Variants in XRN2 observed in about 807,000 individuals in gnomAD.
The protein encoded by XRN2 is 5'-3' exoribonuclease 2.
A neutral mutation model predicts 138.5 loss-of-function variants in XRN2; 44 were observed. That is an observed-to-expected ratio of 0.32 (90% CI 0.25 to 0.41). The LOEUF (loss-of-function observed/expected upper bound fraction) is 0.41, where lower values mean the gene tolerates loss of function less well. XRN2 is among the 10% of genes least tolerant of loss of function. XRN2 has a pLI of 1.00. For synonymous variants in XRN2, 354 were observed against 369.4 expected (o/e 0.96, Z 0.48); for missense variants, 937 against 1,169.3 (o/e 0.80, Z 2.90).
intron 1 of XRN2, chr20:21,303,720 G>T: frequency 8.0e-7 from 1 of 1,244,020 alleles, no homozygotes; most frequent in East Asian, 3.6e-5. Flanking sequence ...TCGCAGGAGG[G>T]TCGCTCCTCC....
intron 13 of XRN2, among the ~76,000 whole-genome samples, chr20:21,334,933 A>G (rs1223502152): frequency 6.6e-6 from 1 of 152,150 alleles, no homozygotes. Flanking sequence ...AGTCTTTTGA[A>G]GAGATTTGAG....
At chr20:21,338,521 TAG>T (rs2038330081) in intron 13 of XRN2, among the ~76,000 whole-genome samples, 1 of 152,142 alleles carries the variant, frequency 6.6e-6, no homozygotes, top group South Asian at 2.1e-4. Context: ...AATGTTTGCG[TAG>T]AGTCCCACTT....
At chr20:21,386,573 C>G (rs2038938609) in intron 28 of XRN2, among the ~76,000 whole-genome samples, 1 of 152,174 alleles carries the variant, frequency 6.6e-6, no homozygotes, top group African/African-American at 2.4e-5. Flanking sequence ...GGGTCTACAT[C>G]TTTAAGTGAC....
chr20:21,377,827 C>T (rs1346545589), intron 27 of XRN2, among the ~76,000 whole-genome samples: 1 of 152,168 alleles, frequency 6.6e-6, no homozygotes, highest in Non-Finnish European at 1.5e-5. Context: ...TCTGTTGCTT[C>T]CTCTGGCTAT....
intron 1 of XRN2, among the ~76,000 whole-genome samples, chr20:21,323,431 G>C (rs1482036093): frequency 6.6e-6 from 1 of 152,212 alleles, no homozygotes; most frequent in Non-Finnish European, 1.5e-5. Flanking sequence ...TTAGGGTTCA[G>C]AGTGGCTCTC....
chr20:21,324,672 C>A (rs1391660794), intron 1 of XRN2, among the ~76,000 whole-genome samples: 1 of 152,116 alleles, frequency 6.6e-6, no homozygotes, highest in African/African-American at 2.4e-5. Context: ...CTTACTCTGT[C>A]GCCCAGGCTG....
At chr20:21,339,114 T>C (rs1355173769) in intron 14 of XRN2, 26 bp downstream of exon 14, 3 of 1,590,200 alleles carry the variant, frequency 1.9e-6, no homozygotes, top group Non-Finnish European at 2.6e-6. Context: ...TTTCATGAGA[T>C]TGGCAATAGC....
At chr20:21,370,212 T>A (rs2038746139) in intron 27 of XRN2, among the ~76,000 whole-genome samples, 1 of 152,238 alleles carries the variant, frequency 6.6e-6, no homozygotes, top group African/African-American at 2.4e-5. Context: ...TCCATTGGTC[T>A]GTTATCTGTT....
intron 20 of XRN2, among the ~76,000 whole-genome samples, chr20:21,353,030 G>A (rs6075794): frequency 0.68 from 103,013 of 151,000 alleles, 35,746 homozygotes; most frequent in South Asian, 0.84. Context: ...ATTGCTTAGT[G>A]ATTTTCTTGC....
At position 21,311,721 on chromosome 20, in the gene XRN2, C is replaced by T. The variant is rs138134272; in HGVS notation, c.75+8248C>T. On this transcript the variant is annotated intron_variant, in intron 1 of 29. Transcript: ENST00000377191. Reference sequence around the variant, plus strand: ...GATTATTGATGGCCAGGCATGTTGGCTCACGCCTGCAATCCCAGCACTTTG... The same window carrying T: ...GATTATTGATGGCCAGGCATGTTGGTTCACGCCTGCAATCCCAGCACTTTG... Among the ~76,000 whole-genome samples, 1,156 of 152,272 alleles carry T rather than the reference C, an allele frequency of 7.6e-3. 17 individuals are homozygous for T. Among genetic ancestry groups the T allele is most frequent in the African/African-American group, 0.026 (1,100 of 41,542 alleles).
intron 1 of XRN2, among the ~76,000 whole-genome samples, chr20:21,313,253 CTG>C (rs1298621172): frequency 2.6e-5 from 4 of 152,320 alleles, no homozygotes; most frequent in African/African-American, 9.6e-5. Context: ...CTACGCTACA[CTG>C]TGCTGCTCCC....
rs774788693 is a variant in XRN2 at position 21,365,558 on chromosome 20, T to G, written c.2325-15T>G. 6.2e-7 allele frequency: 1 copy of G among 1,613,514 alleles called. No homozygotes were observed. The highest frequency in any genetic ancestry group is 1.7e-5 in the Admixed American group (1 of 59,906). On this transcript the variant is annotated splice_polypyrimidine_tract_variant and intron_variant, in intron 25 of 29. Coordinates refer to ENST00000377191, the MANE Select transcript of XRN2 (RefSeq NM_012255.5). The stretch of plus-strand genomic sequence containing the variant: ...TTCATCCCTATTACTAAGTGTTGTC[T>G]TTTTAAATGGTCAGAAAGCCAGCAG...
chr20:21,313,103 A>T (rs1487170596), intron 1 of XRN2, among the ~76,000 whole-genome samples: 1 of 152,226 alleles, frequency 6.6e-6, no homozygotes, highest in East Asian at 1.9e-4. Flanking sequence ...CGATTGGCGG[A>T]GACTCTGCTT....
At chr20:21,323,275 C>T (rs186845364) in intron 1 of XRN2, among the ~76,000 whole-genome samples, 77 of 152,256 alleles carry the variant, frequency 5.1e-4, no homozygotes, top group Admixed American at 4.6e-3. Context: ...GGTTTTCCGC[C>T]GTAGTTATAC....
At chr20:21,354,924 A>C (rs1355929662) in intron 21 of XRN2, 52 bp downstream of exon 21, 1 of 1,422,122 alleles carries the variant, frequency 7.0e-7, no homozygotes, top group African/African-American at 1.4e-5. Context: ...TACACTTTAT[A>C]TTTCTGTATA....
chr20:21,310,890 G>A (rs1304560454), intron 1 of XRN2, among the ~76,000 whole-genome samples: 1 of 151,806 alleles, frequency 6.6e-6, no homozygotes, highest in Non-Finnish European at 1.5e-5. Flanking sequence ...GACTACAGGC[G>A]CCCGCCACCA....
intron 1 of XRN2, among the ~76,000 whole-genome samples, chr20:21,309,067 T>G (rs544896814): frequency 2.6e-5 from 4 of 152,272 alleles, no homozygotes; most frequent in African/African-American, 9.6e-5. Context: ...GAATTCAAGT[T>G]TGCTAAAGTT....
intron 20 of XRN2, among the ~76,000 whole-genome samples, chr20:21,354,177 T>C (rs1408301289): frequency 6.6e-6 from 1 of 152,222 alleles, no homozygotes; most frequent in Non-Finnish European, 1.5e-5. Context: ...AGGATCATTT[T>C]AAGTCTCAAA....
At position 21,356,590 on chromosome 20, in the gene XRN2, T is replaced by G; in HGVS notation, c.2123T>G (p.Val708Gly). ...CAGGAATGCATTTTTCCACAGCCAG[T>G]GGAGGTACCCCCTGAACTATGTCAT... is the stretch of plus-strand genomic sequence containing the variant. ...ELYQTGSTEP[V>G]EVPPELCHGI... is the part of the protein sequence containing the mutation. Residue 708 changes from valine to glycine, a missense_variant, in exon 23 of 30, where the codon GTG (valine) becomes GGG (glycine). Around this residue, in one of 6 missense-constraint regions of XRN2, gnomAD observed 372 missense variants for 414.4 expected, o/e 0.90. Coordinates refer to ENST00000377191, the MANE Select transcript of XRN2 (RefSeq NM_012255.5). 2 of 1,612,898 alleles carry G rather than the reference T, an allele frequency of 1.2e-6. No individual in the cohort carries two copies. The highest frequency in any genetic ancestry group is 1.7e-6 in the Non-Finnish European group (2 of 1,179,486).
Sources: gnomAD v4.1 joint callset for allele counts (sites outside exome capture counted in the v4.1 genomes callset) on GRCh38, gnomAD v4.1.1 for gene constraint, gnomAD v4.1.1 regional missense constraint, MANE v1.5 for transcripts, NCBI Gene and HGNC (gene_info 2026-07-23, HGNC 2026-07-21) for gene names.